Variants in APOBEC2 observed in about 807,000 individuals in gnomAD.
APOBEC2 encodes apolipoprotein B mRNA editing enzyme catalytic subunit 2, also known as C->U-editing enzyme APOBEC-2.
A neutral mutation model predicts 19.4 loss-of-function variants in APOBEC2; 14 were observed. The ratio of observed to expected loss-of-function variants is 0.72; its 90% CI spans 0.48 to 1.13. The LOEUF is 1.13. APOBEC2 is among the 50% of genes most tolerant of loss of function. The pLI is 0.00. For missense variants in APOBEC2, 304 were observed against 277.0 expected, an observed-to-expected ratio of 1.10 and a Z score of -0.69; for synonymous variants, 127 against 112.1, an observed-to-expected ratio of 1.13 and a Z score of -0.84.
chr6:41,061,708 A>C lies in APOBEC2; in HGVS notation c.512A>C (p.Glu171Ala). Residue 171 changes from glutamate (E) to alanine (A), a missense_variant, in exon 2 of 3, where the codon GAG (glutamate) becomes GCG (alanine). Coordinates refer to ENST00000244669, the MANE Select transcript of APOBEC2 (RefSeq NM_006789.4). ...CAGGCTGCTCTGAAGAAGCTGAAGG[A>C]GGCTGGCTGTAAACTGCGCATCATG... ...EIQAALKKLKEAGCKLRIMKP... is the reference protein window; with the variant it reads ...EIQAALKKLKAAGCKLRIMKP... 6.2e-7 allele frequency: 1 copy of C among 1,614,224 alleles called. No individual in the cohort carries two copies.
At chr6:41,053,523 C>A in intron 1 of APOBEC2, 45 bp downstream of exon 1, 1 of 1,609,944 alleles carries the variant, frequency 6.2e-7, no homozygotes, top group Non-Finnish European at 8.5e-7. Context: ...TAGAAGAGTG[C>A]AGCCTTGGGT....
chr6:41,062,564 C>T (rs907043717), intron 2 of APOBEC2, among the ~76,000 whole-genome samples: 17 of 152,060 alleles, frequency 1.1e-4, no homozygotes, highest in African/African-American at 4.1e-4. Context: ...TGGAGGATGT[C>T]GAATGCAGGA....
At chr6:41,058,399 C>CCACACACACACA (rs3049087) in intron 1 of APOBEC2, among the ~76,000 whole-genome samples, 1 of 142,504 alleles carries the variant, frequency 7.0e-6, no homozygotes, top group African/African-American at 2.6e-5. Context: ...CACCACCCCA[C>CCACACACACACA]CACACACACA....
intron 2 of APOBEC2, among the ~76,000 whole-genome samples, chr6:41,063,530 A>G (rs1403351347): frequency 8.5e-6 from 1 of 118,270 alleles, no homozygotes; most frequent in African/African-American, 3.1e-5. Context: ...GCAAGTCCTT[A>G]GAGCTTTTTT....
At chr6:41,058,249 A>C (rs1288688492) in intron 1 of APOBEC2, among the ~76,000 whole-genome samples, 6 of 127,220 alleles carry the variant, frequency 4.7e-5, no homozygotes, top group Non-Finnish European at 6.6e-5. Context: ...GCATCTCTCT[A>C]CTGACCACCA....
At chr6:41,063,015 A>G (rs141095440) in intron 2 of APOBEC2, among the ~76,000 whole-genome samples, 2 of 152,348 alleles carry the variant, frequency 1.3e-5, no homozygotes, top group Non-Finnish European at 2.9e-5. Flanking sequence ...AGCTTCCATG[A>G]AGATAATTTA....
At chr6:41,055,348 G>C (rs1762781345) in intron 1 of APOBEC2, among the ~76,000 whole-genome samples, 1 of 152,230 alleles carries the variant, frequency 6.6e-6, no homozygotes, top group South Asian at 2.1e-4. Flanking sequence ...GGTGGGAGCA[G>C]AGCGCTGAGT....
chr6:41,054,903 G>A (rs972523694), intron 1 of APOBEC2, among the ~76,000 whole-genome samples: 1 of 152,222 alleles, frequency 6.6e-6, no homozygotes, highest in African/African-American at 2.4e-5. Context: ...GGGAGGGTAG[G>A]TCAAGAACAG....
Position 41,061,789 on chromosome 6 carries a change from A to G in APOBEC2, c.593A>G (p.Glu198Gly). The stretch of plus-strand genomic sequence containing the variant: ...AATTTTGTGGAGCAAGAAGAGGGTG[A>G]ATCCAAGGCCTTTCAGCCCTGGGAG... Reference protein sequence around the residue: ...WQNFVEQEEGESKAFQPWEDI... With the variant: ...WQNFVEQEEGGSKAFQPWEDI... Residue 198 changes from glutamate (E) to glycine (G), a missense_variant, in exon 2 of 3, where the codon GAA becomes GGA. By Grantham distance (98) the Glu-to-Gly change is moderately conservative (BLOSUM62 -2). Transcript: ENST00000244669. 1 of 1,614,212 alleles carries G rather than the reference A, an allele frequency of 6.2e-7. No homozygotes were observed. Among genetic ancestry groups the G allele is most frequent in the Non-Finnish European group, 8.5e-7 (1 of 1,180,046 alleles).
intron 1 of APOBEC2, among the ~76,000 whole-genome samples, chr6:41,059,123 G>C (rs962827267): frequency 6.6e-6 from 1 of 152,294 alleles, no homozygotes; most frequent in East Asian, 1.9e-4. Flanking sequence ...AAGCCAATTT[G>C]CAATTGCATG....
chr6:41,055,384 T>C (rs1762782104), intron 1 of APOBEC2, among the ~76,000 whole-genome samples: 1 of 152,108 alleles, frequency 6.6e-6, no homozygotes, highest in Admixed American at 6.5e-5. Flanking sequence ...GTAACAGCTG[T>C]AGAGAGCTGT....
chr6:41,053,950 A>G (rs1400663591), intron 1 of APOBEC2, among the ~76,000 whole-genome samples: 1 of 152,222 alleles, frequency 6.6e-6, no homozygotes, highest in Non-Finnish European at 1.5e-5. Flanking sequence ...TTCCTGGAGT[A>G]GATGCTCCCA....
chr6:41,064,006 A>G (rs1451683978), intron 2 of APOBEC2, 95 bp from the exon 3 acceptor site: 1 of 152,566 alleles, frequency 6.6e-6, no homozygotes, highest in Non-Finnish European at 1.5e-5. Flanking sequence ...CTTGTTGGGA[A>G]GGGCACACAG....
Position 41,057,387 on chromosome 6 carries a change from C to T in APOBEC2, c.131+3909C>T, listed in dbSNP as rs147735390. On this transcript the variant is annotated intron_variant, in intron 1 of 2. Transcript: ENST00000244669. ...ACAGAGGGTTGGGGGCAGGTCAAAG[C>T]TCAGGTGTGAAGACCATGCCTACCA... Among the ~76,000 whole-genome samples the T allele has an allele frequency of 4.2e-3, 643 of 152,228 alleles. 5 individuals carry two copies. Among genetic ancestry groups the T allele is most frequent in the African/African-American group, 0.014 (574 of 41,532 alleles).
At chr6:41,058,980 AG>A (rs767647103) in intron 1 of APOBEC2, among the ~76,000 whole-genome samples, 1 of 152,110 alleles carries the variant, frequency 6.6e-6, no homozygotes, top group Non-Finnish European at 1.5e-5. Flanking sequence ...GTATTTATAG[AG>A]AGATGACCTT....
intron 1 of APOBEC2, among the ~76,000 whole-genome samples, chr6:41,053,998 G>A (rs141827308): frequency 1.3e-5 from 2 of 152,324 alleles, no homozygotes; most frequent in African/African-American, 2.4e-5. Flanking sequence ...CCAAGACTCA[G>A]AAGCAGCTTT....
chr6:41,063,068 C>T (rs1462637949), intron 2 of APOBEC2, among the ~76,000 whole-genome samples: 1 of 152,196 alleles, frequency 6.6e-6, no homozygotes, highest in Admixed American at 6.5e-5. Context: ...GAGAAGATGT[C>T]GCTTCATAGA....
chr6:41,061,337 G>C lies in APOBEC2; in HGVS notation c.141G>C (p.Leu47=), dbSNP rs1762868888. Residue 47 remains leucine (L), a synonymous_variant, in exon 2 of 3, where the codon CTG becomes CTC. Transcript: ENST00000244669. ...PPFEIVTGER[L]PANFFKFQFR... is the part of the protein sequence containing the mutation. Reference sequence around the variant, plus strand: ...TCTCCTTGACCTACAGAGAACGGCTGCCTGCCAACTTCTTTAAATTCCAGT... The same window carrying C: ...TCTCCTTGACCTACAGAGAACGGCTCCCTGCCAACTTCTTTAAATTCCAGT... 1.8e-5 allele frequency: 28 copies of C among 1,527,140 alleles called. No individual in the cohort carries two copies. The highest frequency in any genetic ancestry group is 2.5e-5 in the Non-Finnish European group (28 of 1,138,588). 94.6% of individuals were successfully genotyped at this position (1,527,140 alleles called of 1,614,324 possible).
chr6:41,061,843 A>T lies in APOBEC2; in HGVS notation c.647A>T (p.Glu216Val). ...EDIQENFLYY[E>V]EKLADILK ...ATTCAGGAGAACTTCCTATACTACG[A>T]GGAGAAGTTGGCAGACATCCTGAAG... Residue 216 changes from glutamate to valine, a missense_variant, in exon 2 of 3, where the codon GAG (glutamate) becomes GTG (valine). Coordinates refer to ENST00000244669, the MANE Select transcript of APOBEC2 (RefSeq NM_006789.4). 6.2e-7 allele frequency: 1 copy of T among 1,613,600 alleles called. No individual in the cohort carries two copies. Among genetic ancestry groups the T allele is most frequent in the Non-Finnish European group, 8.5e-7 (1 of 1,179,648 alleles).
Sources: allele counts gnomAD v4.1 joint callset (sites outside exome capture counted in the v4.1 genomes callset), GRCh38; gene constraint gnomAD v4.1.1; transcripts MANE v1.5; gene names NCBI Gene and HGNC (gene_info 2026-07-23, HGNC 2026-07-21).